TRIM66: variants seen among roughly 807,000 people sequenced by gnomAD.
TRIM66 encodes tripartite motif containing 66.
Under a neutral mutation model 148.2 loss-of-function variants are expected in TRIM66, and 99 were observed. The observed-to-expected ratio is 0.67, with a 90% CI of 0.57 to 0.79. The LOEUF (loss-of-function observed/expected upper bound fraction) is 0.79. TRIM66 is among the 30% of genes least tolerant of loss of function. The probability of loss-of-function intolerance (pLI) is 0.00; values close to 1 mark genes in which losing one functional copy is unlikely to be tolerated. For missense variants in TRIM66, 1,666 were observed against 1,697.9 expected (o/e 0.98, Z 0.33); for synonymous variants, 616 against 635.9 (o/e 0.97, Z 0.47).
At chr11:8,675,735 A>G (rs566788999) in intron 3 of TRIM66, among the ~76,000 whole-genome samples, 1 of 141,124 alleles carries the variant, frequency 7.1e-6, no homozygotes, top group Non-Finnish European at 1.6e-5. Flanking sequence ...TTTTTTAATT[A>G]TTATTTATTT....
intron 15 of TRIM66, among the ~76,000 whole-genome samples, chr11:8,634,002 G>C (rs1164471673): frequency 6.6e-6 from 1 of 152,086 alleles, no homozygotes; most frequent in Non-Finnish European, 1.5e-5. Flanking sequence ...ATCATTTACT[G>C]GAAATACATC....
rs1012427490 is a variant in TRIM66 at position 8,640,766 on chromosome 11, G to T, written c.1609C>A (p.Pro537Thr). 4.5e-6 allele frequency: 7 copies of T among 1,551,310 alleles called. No homozygotes were observed. Among genetic ancestry groups the T allele is most frequent in the Admixed American group, 3.9e-5 (2 of 51,004 alleles). Residue 537 changes from proline to threonine, a missense_variant, in exon 14 of 25, where the codon CCC becomes ACC. Physicochemically the swap from Pro to Thr is conservative, Grantham distance 38 (BLOSUM62 -1). Around this residue, in one of 3 missense-constraint regions of TRIM66, gnomAD observed 1,431 missense variants for 1,412.4 expected, o/e 1.01. Transcript: ENST00000646038. Reference sequence around the variant, plus strand: ...TGGGATGTGCTCTCCTGCTCCACGGGGGGCTGGGTTTCCAGCCAGGGCTGC... The same window carrying T: ...TGGGATGTGCTCTCCTGCTCCACGGTGGGCTGGGTTTCCAGCCAGGGCTGC... Reference protein sequence around the residue: ...LLQPWLETQPPVEQESTSQRL... With the variant: ...LLQPWLETQPTVEQESTSQRL...
At chr11:8,682,902 A>G, upstream of TRIM66, 1 of 1,473,290 alleles carries the variant, frequency 6.8e-7, no homozygotes, top group South Asian at 1.3e-5. Context: ...TCCACTCCCT[A>G]CCATGGTCGG....
intron 6 of TRIM66, among the ~76,000 whole-genome samples, chr11:8,669,330 T>C (rs2038791755): frequency 6.6e-6 from 1 of 152,186 alleles, no homozygotes. Flanking sequence ...GCATCCTCAT[T>C]GTCCAACATG....
chr11:8,642,119 C>T (rs2036448388), intron 13 of TRIM66, among the ~76,000 whole-genome samples: 1 of 152,156 alleles, frequency 6.6e-6, no homozygotes, highest in African/African-American at 2.4e-5. Context: ...CCCTTGTGCA[C>T]AAGTAGATCT....
intron 15 of TRIM66, among the ~76,000 whole-genome samples, chr11:8,632,430 A>C (rs2035490412): frequency 6.6e-6 from 1 of 151,166 alleles, no homozygotes. Context: ...TAACTTTTCT[A>C]GTAAGCAGTT....
chr11:8,622,837 G>A lies in TRIM66; in HGVS notation c.3059C>T (p.Ala1020Val), dbSNP rs2034433607. 6.4e-7 allele frequency: 1 copy of A among 1,551,878 alleles called. No homozygotes were observed. Residue 1020 changes from alanine (A) to valine (V), a missense_variant, in exon 18 of 25, where the codon GCA (alanine) becomes GTA (valine). Around this residue, in one of 3 missense-constraint regions of TRIM66, gnomAD observed 1,431 missense variants for 1,412.4 expected, o/e 1.01. Transcript: ENST00000646038. ...TTACCTGATGCTCTGGTTCTCTTTT[G>A]CATCCAGCTCTAGGGCTCCTTGTTC... Reference protein sequence around the residue: ...NFEQGALELDAKENQSIRAFN... With the variant: ...NFEQGALELDVKENQSIRAFN...
chr11:8,671,739 G>A (rs1358443516), intron 6 of TRIM66, 47 bp downstream of exon 6: 10 of 836,306 alleles, frequency 1.2e-5, no homozygotes, highest in Non-Finnish European at 2.0e-5. Context: ...AACAGGAAGA[G>A]ACCTGTTATG....
At chr11:8,647,947 G>C (rs1283698909) in intron 10 of TRIM66, 23 bp downstream of exon 10, 1 of 1,530,732 alleles carries the variant, frequency 6.5e-7, no homozygotes, top group East Asian at 2.4e-5. Context: ...TTCCAGCACT[G>C]GCAAGGCACT....
chr11:8,619,590 A>G (rs1036194862), intron 22 of TRIM66, 55 bp from the exon 23 acceptor site: 3 of 1,434,960 alleles, frequency 2.1e-6, no homozygotes, highest in Non-Finnish European at 2.8e-6. Flanking sequence ...GAAGAAATGG[A>G]GGTGTGGATA....
rs1409870306 is a variant in TRIM66 at position 8,614,972 on chromosome 11, AG to A, written c.*2971del. On this transcript the variant is annotated 3_prime_UTR_variant, in exon 25 of 25. Transcript: ENST00000646038. Reference sequence around the variant, plus strand: ...GAGACGGAGTCTCGTTCTGTTGCCCAGGCTGGAATGCAATGGCATGATCTCA... The same window carrying A: ...GAGACGGAGTCTCGTTCTGTTGCCCAGCTGGAATGCAATGGCATGATCTCA... 2.6e-5 allele frequency: 4 copies of A among 151,930 alleles called. No homozygotes were observed. The highest frequency in any genetic ancestry group is 2.0e-4 in the Admixed American group (3 of 15,254). The allele number at this position is 151,930 out of a possible 1,614,324, so 9.4% of individuals were successfully genotyped here. A position where few individuals can be genotyped will look rare whatever the true frequency, so the allele number is the denominator to read the frequency against.
rs566897886 is a variant in TRIM66 at position 8,627,379 on chromosome 11, G to C, written c.2311-2151C>G. The stretch of plus-strand genomic sequence containing the variant: ...CTAAAATAATGATTATTTTTATACA[G>C]CTAAAGTTTATTGAGAATTTATTAT... On this transcript the variant is annotated intron_variant, in intron 15 of 24. Transcript: ENST00000646038. 2.6e-5 allele frequency among the ~76,000 whole-genome samples: 4 copies of C among 152,214 alleles called. No homozygotes were observed. The South Asian group carries it at 6.2e-4, about 24-fold the overall frequency.
rs78339306 is a variant in TRIM66, at chr11:8,644,162, T to A, written c.1105-1036A>T. The stretch of plus-strand genomic sequence containing the variant: ...GCCCTGCTCCTTCAGTCCACAGGAC[T>A]TCCCAGCTTCCTTTCATTTACAGTC... On this transcript the variant is annotated intron_variant, in intron 12 of 24. Coordinates refer to ENST00000646038, the MANE Select transcript of TRIM66 (RefSeq NM_001388022.1). Among the ~76,000 whole-genome samples the A allele has an allele frequency of 2.7e-3, 408 of 152,278 alleles. 4 individuals are homozygous for A. The highest frequency in any genetic ancestry group is 0.019 in the East Asian group (96 of 5,168).
chr11:8,653,689 G>C (rs1038976414), intron 6 of TRIM66, among the ~76,000 whole-genome samples: 1 of 151,984 alleles, frequency 6.6e-6, no homozygotes, highest in African/African-American at 2.4e-5. Flanking sequence ...AAAGTTTAGA[G>C]GTGGCTTGTT....
At position 8,640,785 on chromosome 11, in the gene TRIM66, G is replaced by C. The variant is rs1705774999; in HGVS notation, c.1590C>G (p.Pro530=). The change falls in exon 14 of 25, where the codon CCC becomes CCG. Residue 530 remains proline, a synonymous_variant. Coordinates refer to ENST00000646038, the MANE Select transcript of TRIM66 (RefSeq NM_001388022.1). ...CCACGGGGGGCTGGGTTTCCAGCCA[G>C]GGCTGCAGCAGCTTTGGTGGATGAG... ...CSPHPPKLLQ[P]WLETQPPVEQ... 4.5e-6 allele frequency: 7 copies of C among 1,551,070 alleles called. No individual in the cohort carries two copies. The highest frequency in any genetic ancestry group is 6.1e-6 in the Non-Finnish European group (7 of 1,147,004).
chr11:8,623,327 C>T (rs2034490236), intron 17 of TRIM66, among the ~76,000 whole-genome samples: 1 of 152,190 alleles, frequency 6.6e-6, no homozygotes, highest in African/African-American at 2.4e-5. Flanking sequence ...GAGTTCTCCC[C>T]TGAGTATGCA....
chr11:8,646,190 CA>C (rs1565529378), intron 11 of TRIM66, among the ~76,000 whole-genome samples: 1 of 152,156 alleles, frequency 6.6e-6, no homozygotes, highest in Non-Finnish European at 1.5e-5. Flanking sequence ...CTTTCTCTTC[CA>C]AGACTATAAC....
At position 8,647,313 on chromosome 11, in the gene TRIM66, T is replaced by C. The variant is rs1044043489; in HGVS notation, c.842+657A>G. Among the ~76,000 whole-genome samples the C allele has an allele frequency of 5.9e-5, 9 of 152,184 alleles. No individual in the cohort carries two copies. The East Asian group carries it at 1.7e-3, about 29-fold the overall frequency. Reference sequence around the variant, plus strand: ...TTTAAAAATTTAAAAAGCATGGGCATTGAAGTCACCACAGACCTACCATCT... The same window carrying C: ...TTTAAAAATTTAAAAAGCATGGGCACTGAAGTCACCACAGACCTACCATCT... On this transcript the variant is annotated intron_variant, in intron 10 of 24. Transcript: ENST00000646038.
At chr11:8,665,436 T>C (rs1036682369) in intron 6 of TRIM66, among the ~76,000 whole-genome samples, 2 of 152,250 alleles carry the variant, frequency 1.3e-5, no homozygotes, top group Admixed American at 6.5e-5. Flanking sequence ...GATCCTTTGC[T>C]TGAACTTTAA....
Sources: gnomAD v4.1 joint callset for allele counts (sites outside exome capture counted in the v4.1 genomes callset) on GRCh38, gnomAD v4.1.1 for gene constraint, gnomAD v4.1.1 regional missense constraint, MANE v1.5 for transcripts, NCBI Gene and HGNC (gene_info 2026-07-23, HGNC 2026-07-21) for gene names.